WASF1: variants seen among roughly 807,000 people sequenced by gnomAD.
WASF1 encodes actin-binding protein WASF1.
WASF1 carries 7 observed loss-of-function variants against 50.5 expected under a neutral mutation model. The ratio of observed to expected loss-of-function variants is 0.14; its 90% CI spans 0.08 to 0.26. The LOEUF (loss-of-function observed/expected upper bound fraction) is 0.26, where lower values mean the gene tolerates loss of function less well. WASF1 is among the 10% of genes least tolerant of loss of function. The pLI is 1.00. For synonymous variants in WASF1, 205 were observed against 244.0 expected, an observed-to-expected ratio of 0.84 and a Z score of 1.49; for missense variants, 470 against 694.7, an observed-to-expected ratio of 0.68 and a Z score of 3.64.
intron 4 of WASF1, among the ~76,000 whole-genome samples, chr6:110,119,982 A>C: frequency 6.6e-6 from 1 of 152,302 alleles, no homozygotes; most frequent in African/African-American, 2.4e-5. Context: ...CTTCAACAAA[A>C]TTCAACACCC....
chr6:110,143,777 T>C (rs1264517232), intron 3 of WASF1, among the ~76,000 whole-genome samples: 1 of 152,242 alleles, frequency 6.6e-6, no homozygotes, highest in Non-Finnish European at 1.5e-5. Flanking sequence ...TGAAATAATT[T>C]ACGATCATTT....
At chr6:110,168,805 T>C (rs976929088) in intron 2 of WASF1, among the ~76,000 whole-genome samples, 1 of 152,122 alleles carries the variant, frequency 6.6e-6, no homozygotes, top group East Asian at 1.9e-4. Flanking sequence ...TGTCTCTTTC[T>C]GACATGAATA....
chr6:110,127,541 C>A lies in WASF1; in HGVS notation c.61G>T (p.Gly21Cys). Residue 21 changes from glycine to cysteine, a missense_variant, in exon 4 of 11, where the codon GGC becomes TGC. By Grantham distance (159) the Gly-to-Cys change is radical. Coordinates refer to ENST00000392589, the MANE Select transcript of WASF1 (RefSeq NM_003931.3). ...RHLCHTALPR[G>C]IKNELECVTN... is the part of the protein sequence containing the mutation. ...ACACATTCCAGTTCATTCTTAATGC[C>A]TCTAGGCAGTGCTGTGTGGCACAAG... 6.2e-7 allele frequency: 1 copy of A among 1,602,798 alleles called. No homozygotes were observed. The highest frequency in any genetic ancestry group is 8.5e-7 in the Non-Finnish European group (1 of 1,175,188).
At chr6:110,119,374 C>T (rs1773976524) in intron 4 of WASF1, among the ~76,000 whole-genome samples, 1 of 152,166 alleles carries the variant, frequency 6.6e-6, no homozygotes, top group South Asian at 2.1e-4. Context: ...GCCAATCCCC[C>T]AGAAATACAA....
intron 4 of WASF1, among the ~76,000 whole-genome samples, chr6:110,115,361 T>C (rs778413249): frequency 2.0e-5 from 3 of 151,848 alleles, no homozygotes; most frequent in Non-Finnish European, 4.4e-5. Context: ...GCTGCTAACC[T>C]CAAACCTTGA....
Position 110,113,417 on chromosome 6 carries a change from T to C in WASF1, c.177A>G (p.Ala59=). ...EDIFGELFNE[A]HSFSFRVNSL... is the part of the protein sequence containing the mutation. Reference sequence around the variant, plus strand: ...AGTTGACTCTGAAGGAAAAACTATGTGCTTCATTGAATAATTCTCCAAATA... The same window carrying C: ...AGTTGACTCTGAAGGAAAAACTATGCGCTTCATTGAATAATTCTCCAAATA... Residue 59 remains alanine, a synonymous_variant, in exon 5 of 11, where the codon GCA becomes GCG. Coordinates refer to ENST00000392589, the MANE Select transcript of WASF1 (RefSeq NM_003931.3). 2.5e-6 allele frequency: 4 copies of C among 1,603,786 alleles called. No individual in the cohort carries two copies. The highest frequency in any genetic ancestry group is 3.4e-6 in the Non-Finnish European group (4 of 1,175,564).
chr6:110,171,460 T>C (rs1471467647), intron 2 of WASF1, among the ~76,000 whole-genome samples: 1 of 152,172 alleles, frequency 6.6e-6, no homozygotes, highest in Non-Finnish European at 1.5e-5. Context: ...GCACCAAGTA[T>C]ATATACAGAC....
intron 3 of WASF1, among the ~76,000 whole-genome samples, chr6:110,150,350 A>G (rs1775769662): frequency 6.6e-6 from 1 of 152,240 alleles, no homozygotes; most frequent in South Asian, 2.1e-4. Context: ...GCATGTAGAG[A>G]GAATGAAATC....
chr6:110,106,894 C>A (rs1184411731), intron 7 of WASF1, among the ~76,000 whole-genome samples, 183 bp downstream of exon 7: 1 of 152,192 alleles, frequency 6.6e-6, no homozygotes, highest in Non-Finnish European at 1.5e-5. Context: ...CTCTAATAAT[C>A]TAATTGCTCA....
intron 2 of WASF1, among the ~76,000 whole-genome samples, chr6:110,165,676 A>G (rs948338516): frequency 2.0e-5 from 3 of 151,708 alleles, no homozygotes; most frequent in Non-Finnish European, 4.4e-5. Context: ...TTGTTACATA[A>G]AGCAAAACTT....
At chr6:110,131,694 G>T (rs1476969918) in intron 3 of WASF1, among the ~76,000 whole-genome samples, 2 of 151,972 alleles carry the variant, frequency 1.3e-5, no homozygotes, top group African/African-American at 4.8e-5. Context: ...TAGGAGATGG[G>T]GTCCTGCCAT....
chr6:110,119,276 AATAG>A (rs1037193819), intron 4 of WASF1, among the ~76,000 whole-genome samples: 71 of 152,274 alleles, frequency 4.7e-4, no homozygotes, highest in South Asian at 2.3e-3. Context: ...AGATCAACAA[AATAG>A]ATAGACCGCT....
chr6:110,143,415 C>G (rs1775353658), intron 3 of WASF1, among the ~76,000 whole-genome samples: 1 of 151,474 alleles, frequency 6.6e-6, no homozygotes, highest in African/African-American at 2.4e-5. Context: ...TCTCTTGATT[C>G]AAAATGAGGC....
At chr6:110,110,948 T>C (rs78913691) in intron 5 of WASF1, among the ~76,000 whole-genome samples, 2,938 of 152,190 alleles carry the variant, frequency 0.019, 94 homozygotes, top group African/African-American at 0.067. Context: ...CTTCCCCCAC[T>C]GCTCCACAAA....
In WASF1 at chr6:110,178,676, T is replaced by TC. The variant is rs757465182; in HGVS notation, c.-206dup. The TC allele has an allele frequency of 6.5e-6, 1 of 152,678 alleles. No individual in the cohort carries two copies. The highest frequency in any genetic ancestry group is 2.1e-4 in the South Asian group (1 of 4,828). 9.5% of individuals were successfully genotyped at this position (152,678 alleles called of 1,614,324 possible). On this transcript the variant is annotated 5_prime_UTR_variant, in exon 2 of 11. It introduces an in-frame stop codon into an upstream open reading frame of the 5' UTR. Transcript: ENST00000392589. ...TTGAGATCGGATGTGCTTTCTTTCATCGTTATTCCAGTTCATCATCCGCAA... is the reference window on the plus strand; with the variant it reads ...TTGAGATCGGATGTGCTTTCTTTCATCCGTTATTCCAGTTCATCATCCGCAA...
At chr6:110,114,547 G>T (rs1272013813) in intron 4 of WASF1, among the ~76,000 whole-genome samples, 1 of 152,100 alleles carries the variant, frequency 6.6e-6, no homozygotes. Flanking sequence ...GCTGTTACAA[G>T]AAAGCATACA....
intron 2 of WASF1, among the ~76,000 whole-genome samples, chr6:110,163,710 T>C (rs1268475343): frequency 6.6e-6 from 1 of 151,628 alleles, no homozygotes; most frequent in Non-Finnish European, 1.5e-5. Context: ...CAGCAAGTTA[T>C]TTTGTGACTA....
intron 4 of WASF1, among the ~76,000 whole-genome samples, chr6:110,126,142 T>G (rs572040802): frequency 6.6e-6 from 1 of 152,304 alleles, no homozygotes; most frequent in South Asian, 2.1e-4. Flanking sequence ...ATAACATATA[T>G]AAAACAAATT....
rs151197195 is a variant in WASF1 at position 110,101,774 on chromosome 6, T to G, written c.1336A>C (p.Thr446Pro). 139 of 1,614,082 alleles carry G rather than the reference T, an allele frequency of 8.6e-5. No homozygotes were observed. The Middle Eastern group carries it at 9.9e-4, about 11-fold the overall frequency. ...CCAGAGGGAGGATGAGCAAGAGCTGTAACTGTGACAGGTGATGATGGTCGA... is the reference window on the plus strand; with the variant it reads ...CCAGAGGGAGGATGAGCAAGAGCTGGAACTGTGACAGGTGATGATGGTCGA... ...GIRPSSPVTV[T>P]ALAHPPSGLH... Residue 446 changes from threonine to proline, a missense_variant, in exon 10 of 11, where the codon ACA (threonine) becomes CCA (proline). Thr to Pro is a conservative substitution (Grantham distance 38). Coordinates refer to ENST00000392589, the MANE Select transcript of WASF1 (RefSeq NM_003931.3).
Sources: gnomAD v4.1 joint callset for allele counts (sites outside exome capture counted in the v4.1 genomes callset) on GRCh38, gnomAD v4.1.1 for gene constraint, MANE v1.5 for transcripts, NCBI Gene and HGNC (gene_info 2026-07-23, HGNC 2026-07-21) for gene names.